PRSS8: variants seen among roughly 807,000 people sequenced by gnomAD.
The protein encoded by PRSS8 is prostasin.
In PRSS8, 11 loss-of-function variants were observed where a neutral mutation model predicts 26.7. The observed-to-expected ratio is 0.41, with a 90% CI of 0.26 to 0.68. The LOEUF (loss-of-function observed/expected upper bound fraction) is 0.68. Ranked by LOEUF, PRSS8 falls within the 30% of genes least tolerant of loss-of-function variation. The probability of loss-of-function intolerance (pLI) is 0.30; values close to 1 mark genes in which losing one functional copy is unlikely to be tolerated. For synonymous variants in PRSS8, 183 were observed against 187.0 expected, an observed-to-expected ratio of 0.98 and a Z score of 0.17; for missense variants, 362 against 443.5, an observed-to-expected ratio of 0.82 and a Z score of 1.65.
Position 31,132,516 on chromosome 16 carries a change from G to A in PRSS8, c.618C>T (p.Asn206=). 6.2e-7 allele frequency: 1 copy of A among 1,614,082 alleles called. No homozygotes were observed. Among genetic ancestry groups the A allele is most frequent in the Non-Finnish European group, 8.5e-7 (1 of 1,179,904 alleles). The change falls in exon 5 of 6, where the codon AAC becomes AAT. Residue 206 remains asparagine, a synonymous_variant. Coordinates refer to ENST00000317508, the MANE Select transcript of PRSS8 (RefSeq NM_002773.5). This position sits in a 1 kb window ranked among gnomAD's most constrained non-coding sequence, Gnocchi z 5.2. The part of the protein sequence containing the change: ...ISRETCNCLY[N]IDAKPEEPHF... ...GCGGCTCCTCAGGCTTGGCGTCGATGTTGTACAGGCAGTTACACGTCTCAC... is the reference window on the plus strand; with the variant it reads ...GCGGCTCCTCAGGCTTGGCGTCGATATTGTACAGGCAGTTACACGTCTCAC...
Position 31,132,747 on chromosome 16 carries a change from G to C in PRSS8, c.473C>G (p.Ala158Gly). Residue 158 changes from alanine (A) to glycine (G), a missense_variant, in exon 4 of 6, where the codon GCC becomes GGC. By Grantham distance (60) the Ala-to-Gly change is moderately conservative (BLOSUM62 0). Coordinates refer to ENST00000317508, the MANE Select transcript of PRSS8 (RefSeq NM_002773.5). The surrounding 1 kb of genome is among the most constrained non-coding windows in gnomAD (Gnocchi z 5.2). ...GAGGCCGTTGGGGAAGGAGGCGTTG[G>C]CTGCAGGGAGGCAGATGGGCCGGAT... ...RYIRPICLPA[A>G]NASFPNGLHC... 6.2e-7 allele frequency: 1 copy of C among 1,614,020 alleles called. No homozygotes were observed.
rs1158211537 is a variant in PRSS8 at position 31,132,010 on chromosome 16, C to G, written c.1031G>C (p.Ter344SerextTer30). The change falls in exon 6 of 6, where the codon TGA becomes TCA. Residue 344 changes from the stop codon to serine, a stop_lost. Transcript: ENST00000317508. This position sits in a 1 kb window ranked among gnomAD's most constrained non-coding sequence, Gnocchi z 5.2. ...ATCCATCCTGGAAGTAGGGCCAGCT[C>G]AGTGCTCGCTGAGCCATGGGGAGAG... ...GLLSPWLSEH[*>S] is the part of the protein sequence containing the mutation. 6.4e-7 allele frequency: 1 copy of G among 1,559,872 alleles called. No homozygotes were observed. The highest frequency in any genetic ancestry group is 1.2e-5 in the South Asian group (1 of 84,148).
chr16:31,132,451 T>A lies in PRSS8; in HGVS notation c.683A>T (p.Glu228Val). Reference protein sequence around the residue: ...QEDMVCAGYVEGGKDACQGDS... With the variant: ...QEDMVCAGYVVGGKDACQGDS... ...TACCTGGCAGGCGTCCTTGCCCCCC[T>A]CCACATAGCCAGCACACACCATGTC... The change falls in exon 5 of 6, where the codon GAG (glutamate) becomes GTG (valine). Residue 228 changes from glutamate (E) to valine (V), a missense_variant. Coordinates refer to ENST00000317508, the MANE Select transcript of PRSS8 (RefSeq NM_002773.5). The surrounding 1 kb of genome is among the most constrained non-coding windows in gnomAD (Gnocchi z 5.2). 1.2e-6 allele frequency: 2 copies of A among 1,613,900 alleles called. No individual in the cohort carries two copies. The highest frequency in any genetic ancestry group is 1.7e-6 in the Non-Finnish European group (2 of 1,179,816).
Position 31,135,671 on chromosome 16 carries a change from C to T in PRSS8, c.-173G>A, listed in dbSNP as rs948910609. Reference sequence around the variant, plus strand: ...CCTCTAAGGCAGGGAGCGGCCGCAACGGGAGACGCCTGGAGTATCCGAAGC... The same window carrying T: ...CCTCTAAGGCAGGGAGCGGCCGCAATGGGAGACGCCTGGAGTATCCGAAGC... On this transcript the variant is annotated 5_prime_UTR_variant, in exon 1 of 6. Coordinates refer to ENST00000317508, the MANE Select transcript of PRSS8 (RefSeq NM_002773.5). 1.3e-5 allele frequency: 8 copies of T among 614,456 alleles called. No individual in the cohort carries two copies. The highest frequency in any genetic ancestry group is 2.1e-5 in the South Asian group (1 of 48,496). 38.1% of individuals were successfully genotyped at this position (614,456 alleles called of 1,614,324 possible).
In PRSS8 at chr16:31,132,132, G is replaced by A; in HGVS notation, c.909C>T (p.Ser303=). 6.2e-7 allele frequency: 1 copy of A among 1,613,604 alleles called. No homozygotes were observed. ...AGGCCAGGTGGCTGCCACAGAGGTT[G>A]CTGTCGGGCTGGGACTCCTGGGTTT... ...VPQTQESQPD[S]NLCGSHLAFS... is the part of the protein sequence containing the mutation. Residue 303 remains serine (S), a synonymous_variant, in exon 6 of 6, where the codon AGC becomes AGT. Coordinates refer to ENST00000317508, the MANE Select transcript of PRSS8 (RefSeq NM_002773.5). The surrounding 1 kb of genome is among the most constrained non-coding windows in gnomAD (Gnocchi z 5.2).
rs148214625 is a variant in PRSS8 at position 31,132,510 on chromosome 16, G to A, written c.624C>T (p.Asp208=). The A allele has an allele frequency of 3.0e-4, 487 of 1,614,050 alleles. 1 individual carries two copies. Among genetic ancestry groups the A allele is most frequent in the Non-Finnish European group, 2.7e-4 (313 of 1,179,900 alleles). ...RETCNCLYNI[D]AKPEEPHFVQ... ...CAAAGTGCGGCTCCTCAGGCTTGGC[G>A]TCGATGTTGTACAGGCAGTTACACG... The change falls in exon 5 of 6, where the codon GAC becomes GAT. Residue 208 remains aspartate (D), a synonymous_variant. Transcript: ENST00000317508. The surrounding 1 kb of genome is among the most constrained non-coding windows in gnomAD (Gnocchi z 5.2).
rs372673915 is a variant in PRSS8 at position 31,132,920 on chromosome 16, C to A, written c.300G>T (p.Leu100=). 5.6e-5 allele frequency: 90 copies of A among 1,612,594 alleles called. 2 individuals are homozygous for A. Among genetic ancestry groups the A allele is most frequent in the Non-Finnish European group, 3.9e-5 (46 of 1,179,198 alleles). The part of the protein sequence containing the change: ...EHHKEAYEVK[L]GAHQLDSYSE... ...AGTAGGAGTCTAGCTGGTGGGCCCC[C>A]AGCTTGACCTCATAGGCTTCCTTGT... Residue 100 remains leucine, a synonymous_variant, in exon 4 of 6, where the codon CTG becomes CTT. Coordinates refer to ENST00000317508, the MANE Select transcript of PRSS8 (RefSeq NM_002773.5). The surrounding 1 kb of genome is among the most constrained non-coding windows in gnomAD (Gnocchi z 5.2).
chr16:31,132,353 A>C lies in PRSS8; in HGVS notation c.706-18T>G, dbSNP rs1411682458. The C allele has an allele frequency of 1.2e-6, 2 of 1,613,810 alleles. No homozygotes were observed. Among genetic ancestry groups the C allele is most frequent in the Non-Finnish European group, 1.7e-6 (2 of 1,179,866 alleles). Reference sequence around the variant, plus strand: ...GAGTCACCCTGAGGAGAGAAGCCACACAGCAGCCATCAGGACCGGGCCAGG... The same window carrying C: ...GAGTCACCCTGAGGAGAGAAGCCACCCAGCAGCCATCAGGACCGGGCCAGG... On this transcript the variant is annotated intron_variant, in intron 5 of 5. Transcript: ENST00000317508. The surrounding 1 kb of genome is among the most constrained non-coding windows in gnomAD (Gnocchi z 5.2).
chr16:31,131,638 A>AACACAGG lies in PRSS8; in HGVS notation c.*370_*371insCCTGTGT. ...AGCCCAGAACACAGGGAGAGGGCAG[A>AACACAGG]GAGATGTGCTCATCAGTCTGGGCAG... is the stretch of plus-strand genomic sequence containing the variant. On this transcript the variant is annotated 3_prime_UTR_variant, in exon 6 of 6. Coordinates refer to ENST00000317508, the MANE Select transcript of PRSS8 (RefSeq NM_002773.5). The AACACAGG allele has an allele frequency of 4.8e-6, 2 of 420,078 alleles. No homozygotes were observed. The highest frequency in any genetic ancestry group is 8.6e-6 in the Non-Finnish European group (2 of 233,128). 26.0% of individuals were successfully genotyped at this position (420,078 alleles called of 1,614,324 possible).
Position 31,133,411 on chromosome 16 carries a change from G to T in PRSS8, c.104-23C>A. 1 of 1,612,464 alleles carries T rather than the reference G, an allele frequency of 6.2e-7. No individual in the cohort carries two copies. On this transcript the variant is annotated intron_variant, in intron 2 of 5. Coordinates refer to ENST00000317508, the MANE Select transcript of PRSS8 (RefSeq NM_002773.5). The surrounding 1 kb of genome is among the most constrained non-coding windows in gnomAD (Gnocchi z 4.7). ...GAGCTGCCCAGGGAGGAAGGGAAGG[G>T]GTCAGGTTGTTAGCCTGGCCACTCC...
rs1567438360 is a variant in PRSS8 at position 31,131,514 on chromosome 16, A to G, written c.*495T>C. ...GCCAGCCCAGTTCCGGTGGGGGCTC[A>G]GTCCTCCGGAGTCCAGGAGTCAGGG... On this transcript the variant is annotated 3_prime_UTR_variant, in exon 6 of 6. Transcript: ENST00000317508. 2 of 565,030 alleles carry G rather than the reference A, an allele frequency of 3.5e-6. No homozygotes were observed. Among genetic ancestry groups the G allele is most frequent in the Non-Finnish European group, 6.2e-6 (2 of 320,374 alleles). The allele number at this position is 565,030 out of a possible 1,614,324, so 35.0% of individuals were successfully genotyped here. A position where few individuals can be genotyped will look rare whatever the true frequency, so the allele number is the denominator to read the frequency against.
chr16:31,132,499 TC>T lies in PRSS8; in HGVS notation c.634del (p.Glu212ArgfsTer41). ...GTCCTCTTGGACAAAGTGCGGCTCC[TC>T]AGGCTTGGCGTCGATGTTGTACAGG... ...NCLYNIDAKP[E>X]EPHFVQEDMV... On this transcript the variant is annotated frameshift_variant, in exon 5 of 6. Transcript: ENST00000317508. LOFTEE classifies it high-confidence loss of function. This position sits in a 1 kb window ranked among gnomAD's most constrained non-coding sequence, Gnocchi z 5.2. 6.2e-7 allele frequency: 1 copy of T among 1,614,058 alleles called. No individual in the cohort carries two copies. Among genetic ancestry groups the T allele is most frequent in the Non-Finnish European group, 8.5e-7 (1 of 1,179,902 alleles).
intron 2 of PRSS8, chr16:31,134,675 C>G (rs1229294117): frequency 5.9e-6 from 1 of 170,288 alleles, no homozygotes; most frequent in Admixed American, 5.7e-5. Flanking sequence ...CACATCTCTA[C>G]CAAACAAAAA....
chr16:31,135,712 G>T lies in PRSS8; in HGVS notation c.-214C>A. 1.9e-6 allele frequency: 1 copy of T among 531,532 alleles called. No individual in the cohort carries two copies. The allele number at this position is 531,532 out of a possible 1,614,324, so 32.9% of individuals were successfully genotyped here. A position where few individuals can be genotyped will look rare whatever the true frequency, so the allele number is the denominator to read the frequency against. ...TATCCGAAGCGAGCAGTGTGGACGAGTCACCAGCACCGTCTGGCCACGCAG... is the reference window on the plus strand; with the variant it reads ...TATCCGAAGCGAGCAGTGTGGACGATTCACCAGCACCGTCTGGCCACGCAG... On this transcript the variant is annotated 5_prime_UTR_variant, in exon 1 of 6. Transcript: ENST00000317508.
At chr16:31,135,130 C>T (rs770035203) in intron 2 of PRSS8, 24 bp downstream of exon 2, 5 of 1,610,952 alleles carry the variant, frequency 3.1e-6, no homozygotes, top group East Asian at 2.2e-5. Context: ...CCCTCCCCTC[C>T]TCCCTCTCCG....
rs761259516 is a variant in PRSS8, at chr16:31,132,816, A to G, written c.404T>C (p.Ile135Thr). 1.6e-5 allele frequency: 26 copies of G among 1,613,858 alleles called. No individual in the cohort carries two copies. The highest frequency in any genetic ancestry group is 3.3e-4 in the Middle Eastern group (2 of 6,062). Residue 135 changes from isoleucine (I) to threonine (T), a missense_variant, in exon 4 of 6, where the codon ATT (isoleucine) becomes ACT (threonine). Ile to Thr is a moderately conservative substitution (Grantham distance 89, BLOSUM62 -1). Transcript: ENST00000317508. The surrounding 1 kb of genome is among the most constrained non-coding windows in gnomAD (Gnocchi z 5.2). Reference sequence around the variant, plus strand: ...GGGTCTGCTGAGTTGGAGGAGTGCAATGTCGCCCTGGGAGCCCTCCTGGAG... The same window carrying G: ...GGGTCTGCTGAGTTGGAGGAGTGCAGTGTCGCCCTGGGAGCCCTCCTGGAG... ...SYLQEGSQGDIALLQLSRPIT... is the reference protein window; with the variant it reads ...SYLQEGSQGDTALLQLSRPIT...
Position 31,132,911 on chromosome 16 carries a change from G to A in PRSS8, c.309C>T (p.His103=), listed in dbSNP as rs759580765. The A allele has an allele frequency of 6.2e-7, 1 of 1,613,172 alleles. No individual in the cohort carries two copies. Among genetic ancestry groups the A allele is most frequent in the Non-Finnish European group, 8.5e-7 (1 of 1,179,542 alleles). The part of the protein sequence containing the change: ...KEAYEVKLGA[H]QLDSYSEDAK... Reference sequence around the variant, plus strand: ...CGTCCTCGGAGTAGGAGTCTAGCTGGTGGGCCCCCAGCTTGACCTCATAGG... The same window carrying A: ...CGTCCTCGGAGTAGGAGTCTAGCTGATGGGCCCCCAGCTTGACCTCATAGG... Residue 103 remains histidine, a synonymous_variant, in exon 4 of 6, where the codon CAC becomes CAT. Coordinates refer to ENST00000317508, the MANE Select transcript of PRSS8 (RefSeq NM_002773.5). The surrounding 1 kb of genome is among the most constrained non-coding windows in gnomAD (Gnocchi z 5.2).
In PRSS8 at chr16:31,132,924, T is replaced by A. The variant is rs763966733; in HGVS notation, c.296A>T (p.Lys99Met). The A allele has an allele frequency of 1.2e-6, 2 of 1,612,578 alleles. No individual in the cohort carries two copies. The highest frequency in any genetic ancestry group is 1.7e-6 in the Non-Finnish European group (2 of 1,179,094). The change falls in exon 4 of 6, where the codon AAG becomes ATG. Residue 99 changes from lysine to methionine, a missense_variant. Coordinates refer to ENST00000317508, the MANE Select transcript of PRSS8 (RefSeq NM_002773.5). This position sits in a 1 kb window ranked among gnomAD's most constrained non-coding sequence, Gnocchi z 5.2. ...GGAGTCTAGCTGGTGGGCCCCCAGC[T>A]TGACCTCATAGGCTTCCTTGTGGTG... ...SEHHKEAYEV[K>M]LGAHQLDSYS...
In PRSS8 at chr16:31,133,461, A is replaced by AGAGCTTGG; in HGVS notation, c.104-81_104-74dup. Reference sequence around the variant, plus strand: ...CTATGCAGCCCAGGAGCTCTGATATAGAGCTTGGGAAGTGGGTTCACAGGA... The same window carrying AGAGCTTGG: ...CTATGCAGCCCAGGAGCTCTGATATAGAGCTTGGGAGCTTGGGAAGTGGGTTCACAGGA... On this transcript the variant is annotated intron_variant, in intron 2 of 5. Transcript: ENST00000317508. The surrounding 1 kb of genome is among the most constrained non-coding windows in gnomAD (Gnocchi z 4.7). 6.4e-7 allele frequency: 1 copy of AGAGCTTGG among 1,565,266 alleles called. No individual in the cohort carries two copies. The highest frequency in any genetic ancestry group is 8.6e-7 in the Non-Finnish European group (1 of 1,156,230).
Sources: gnomAD v4.1 joint callset for allele counts on GRCh38, gnomAD v4.1.1 for gene constraint, Gnocchi (gnomAD v3.1) non-coding constraint, MANE v1.5 for transcripts, NCBI Gene and HGNC (gene_info 2026-07-23, HGNC 2026-07-21) for gene names.